IQSEC3: variants seen among roughly 807,000 people sequenced by gnomAD.
The protein encoded by IQSEC3 is IQ motif and SEC7 domain-containing protein 3.
A neutral mutation model predicts 105.4 loss-of-function variants in IQSEC3; 50 were observed. The observed-to-expected ratio is 0.47, with a 90% CI of 0.38 to 0.60. The LOEUF is 0.60. IQSEC3 is among the 20% of genes least tolerant of loss of function. The probability of loss-of-function intolerance (pLI) is 0.00; values close to 1 mark genes in which losing one functional copy is unlikely to be tolerated. For missense variants in IQSEC3, 1,415 were observed against 1,630.0 expected, an observed-to-expected ratio of 0.87 and a Z score of 2.27; for synonymous variants, 708 against 746.0, an observed-to-expected ratio of 0.95 and a Z score of 0.83.
At chr12:70,227 C>G (rs1266460989) in intron 1 of IQSEC3, among the ~76,000 whole-genome samples, 3 of 152,288 alleles carry the variant, frequency 2.0e-5, no homozygotes, top group Non-Finnish European at 4.4e-5. Context: ...CCCAGAACTC[C>G]TCTTCCTACC....
intron 5 of IQSEC3, among the ~76,000 whole-genome samples, chr12:153,758 G>T (rs1565439716): frequency 6.6e-6 from 1 of 152,120 alleles, no homozygotes; most frequent in Non-Finnish European, 1.5e-5. Context: ...CGATAGCCAG[G>T]TGGGGACACA....
intron 2 of IQSEC3, among the ~76,000 whole-genome samples, chr12:113,207 C>T (rs563426349): frequency 6.6e-6 from 1 of 152,314 alleles, no homozygotes; most frequent in East Asian, 1.9e-4. Flanking sequence ...GTTTTAACAA[C>T]CAGCATCGAT....
chr12:94,494 A>G (rs1864185733), intron 1 of IQSEC3, among the ~76,000 whole-genome samples: 1 of 152,248 alleles, frequency 6.6e-6, no homozygotes, highest in Non-Finnish European at 1.5e-5. Flanking sequence ...TAGGCTGAGG[A>G]GACCCAAGGA....
chr12:169,176 G>A, intron 12 of IQSEC3, 71 bp downstream of exon 12: 2 of 1,284,772 alleles, frequency 1.6e-6, no homozygotes, highest in African/African-American at 2.9e-5. Flanking sequence ...GTGGGTCCTG[G>A]GCAATCTGCA....
chr12:169,232 C>T, intron 12 of IQSEC3, 127 bp downstream of exon 12: 8 of 710,804 alleles, frequency 1.1e-5, no homozygotes, highest in South Asian at 1.8e-5. Context: ...TGCTGAGGAG[C>T]GCCAGGCTTG....
Position 69,432 on chromosome 12 carries a change from T to C in IQSEC3, c.554+1996T>C, listed in dbSNP as rs527385900. 3.9e-5 allele frequency among the ~76,000 whole-genome samples: 6 copies of C among 152,386 alleles called. No homozygotes were observed. In the South Asian group the frequency reaches 1.0e-3, roughly 26 times the overall value. ...GGAGTTATAATATCCTCACCTTTCC[T>C]TCTCACCTGTCCTGCTTTTGCTTCC... On this transcript the variant is annotated intron_variant, in intron 1 of 13. Coordinates refer to ENST00000538872, the MANE Select transcript of IQSEC3 (RefSeq NM_001170738.2).
intron 7 of IQSEC3, among the ~76,000 whole-genome samples, chr12:158,362 A>C (rs1471834046): frequency 6.6e-6 from 1 of 152,186 alleles, no homozygotes; most frequent in Non-Finnish European, 1.5e-5. Flanking sequence ...GATAAACCGC[A>C]GGCTTCTGCT....
intron 2 of IQSEC3, among the ~76,000 whole-genome samples, chr12:104,962 C>T (rs1355105597): frequency 3.3e-5 from 5 of 152,270 alleles, no homozygotes; most frequent in African/African-American, 7.2e-5. Context: ...CGCGGCCTCA[C>T]GTGCCTGCTC....
chr12:118,890 C>T (rs1388929161), intron 2 of IQSEC3, among the ~76,000 whole-genome samples: 1 of 152,210 alleles, frequency 6.6e-6, no homozygotes, highest in Non-Finnish European at 1.5e-5. Flanking sequence ...CAGAGAGGCT[C>T]ACTACCCCGA....
At chr12:149,575 T>C (rs1866422780) in intron 5 of IQSEC3, among the ~76,000 whole-genome samples, 1 of 152,224 alleles carries the variant, frequency 6.6e-6, no homozygotes, top group East Asian at 1.9e-4. Flanking sequence ...AAACAGTGAT[T>C]GGGTGCCCAT....
At chr12:118,256 C>T (rs1555081079) in intron 2 of IQSEC3, among the ~76,000 whole-genome samples, 1 of 152,142 alleles carries the variant, frequency 6.6e-6, no homozygotes, top group Non-Finnish European at 1.5e-5. Flanking sequence ...GATTTCTTGT[C>T]TTGTCACTAA....
At chr12:95,713 A>G (rs1864223381) in intron 1 of IQSEC3, among the ~76,000 whole-genome samples, 1 of 152,178 alleles carries the variant, frequency 6.6e-6, no homozygotes, top group Non-Finnish European at 1.5e-5. Context: ...TAAAACTGGG[A>G]TCACTCTTTA....
At chr12:126,173 T>TGGAG (rs1373260426) in intron 3 of IQSEC3, among the ~76,000 whole-genome samples, 1 of 152,186 alleles carries the variant, frequency 6.6e-6, no homozygotes, top group Non-Finnish European at 1.5e-5. Flanking sequence ...CCTCACACAG[T>TGGAG]GCTCAGCAAG....
chr12:82,916 A>T (rs1863792680), intron 1 of IQSEC3, among the ~76,000 whole-genome samples: 2 of 152,224 alleles, frequency 1.3e-5, no homozygotes, highest in African/African-American at 4.8e-5. Flanking sequence ...CAGCCTCAGC[A>T]CTGGAGACTG....
chr12:113,362 A>G (rs1395230453), intron 2 of IQSEC3, among the ~76,000 whole-genome samples: 1 of 152,252 alleles, frequency 6.6e-6, no homozygotes, highest in East Asian at 1.9e-4. Flanking sequence ...TACTCGGAGA[A>G]GATAAGCAAC....
chr12:74,185 G>C (rs1184907297), intron 1 of IQSEC3, among the ~76,000 whole-genome samples: 3 of 152,238 alleles, frequency 2.0e-5, no homozygotes, highest in Admixed American at 6.5e-5. Flanking sequence ...TCAGAATGAG[G>C]CTGAATCAAT....
chr12:89,166 T>C (rs1864007421), intron 1 of IQSEC3, among the ~76,000 whole-genome samples: 1 of 152,056 alleles, frequency 6.6e-6, no homozygotes, highest in African/African-American at 2.4e-5. Context: ...ATTTCCCCCA[T>C]TCAGCCATCC....
chr12:172,067 G>T (rs73038007), intron 13 of IQSEC3, among the ~76,000 whole-genome samples: 1 of 152,010 alleles, frequency 6.6e-6, no homozygotes, highest in African/African-American at 2.4e-5. Flanking sequence ...CGGGGCCACC[G>T]GCTGCTCATA....
In IQSEC3 at chr12:139,014, G is replaced by A. The variant is rs1555087992; in HGVS notation, c.1651G>A (p.Glu551Lys). Residue 551 changes from glutamate to lysine, a missense_variant, in exon 4 of 14, where the codon GAG becomes AAG. Coordinates refer to ENST00000538872, the MANE Select transcript of IQSEC3 (RefSeq NM_001170738.2). ...CGTGGGCCGGGAGGACGCGTCAGCC[G>A]AGGACTCATGCGCAGAGGCTGCGGC... The part of the protein sequence containing the change: ...PAVGREDASA[E>K]DSCAEAAASG... The A allele has an allele frequency of 2.6e-6, 4 of 1,516,218 alleles. No individual in the cohort carries two copies. The highest frequency in any genetic ancestry group is 2.2e-5 in the Admixed American group (1 of 46,088). The allele number at this position is 1,516,218 out of a possible 1,614,324, so 93.9% of individuals were successfully genotyped here.
Sources: gnomAD v4.1 joint callset for allele counts (sites outside exome capture counted in the v4.1 genomes callset) on GRCh38, gnomAD v4.1.1 for gene constraint, MANE v1.5 for transcripts, NCBI Gene and HGNC (gene_info 2026-07-23, HGNC 2026-07-21) for gene names.